The following CEP135 variants were observed in gnomAD, a reference collection of about 807,000 sequenced individuals.
The protein encoded by CEP135 is centrosomal protein 135.
CEP135 carries 142 observed loss-of-function variants against 157.3 expected under a neutral mutation model. The observed-to-expected ratio is 0.90, with a 90% CI of 0.79 to 1.04. The LOEUF (loss-of-function observed/expected upper bound fraction) is 1.04, where lower values mean the gene tolerates loss of function less well. Ranked by LOEUF, CEP135 falls within the 50% of genes least tolerant of loss-of-function variation. The probability of loss-of-function intolerance (pLI) is 0.00; values close to 1 mark genes in which losing one functional copy is unlikely to be tolerated. For missense variants in CEP135, 1,317 were observed against 1,309.2 expected, an observed-to-expected ratio of 1.01 and a Z score of -0.09; for synonymous variants, 396 against 439.8, an observed-to-expected ratio of 0.90 and a Z score of 1.25.
At chr4:55,998,235 A>T (rs1301339728) in intron 15 of CEP135, among the ~76,000 whole-genome samples, 1 of 152,184 alleles carries the variant, frequency 6.6e-6, no homozygotes, top group Non-Finnish European at 1.5e-5. Flanking sequence ...GAAATTCCTA[A>T]TAAATACTCT....
intron 15 of CEP135, among the ~76,000 whole-genome samples, chr4:55,996,270 A>C (rs1394096998): frequency 2.0e-5 from 3 of 152,194 alleles, no homozygotes; most frequent in African/African-American, 7.2e-5. Context: ...ATAGGCATGC[A>C]CCACTACACT....
At position 56,032,919 on chromosome 4, in the gene CEP135, T is replaced by C. The variant is rs1324989398; in HGVS notation, c.*1571T>C. 6.6e-6 allele frequency: 1 copy of C among 151,942 alleles called. No individual in the cohort carries two copies. Among genetic ancestry groups the C allele is most frequent in the Non-Finnish European group, 1.5e-5 (1 of 67,994 alleles). 9.4% of individuals were successfully genotyped at this position (151,942 alleles called of 1,614,324 possible). A position where few individuals can be genotyped will look rare whatever the true frequency, so the allele number is the denominator to read the frequency against. On this transcript the variant is annotated 3_prime_UTR_variant, in exon 26 of 26. Transcript: ENST00000257287. ...CTTTTTCTAAAACTAATATGGCTTATATATCTGAATTATGCCCTTTTTAGT... is the reference window on the plus strand; with the variant it reads ...CTTTTTCTAAAACTAATATGGCTTACATATCTGAATTATGCCCTTTTTAGT...
chr4:55,957,130 C>A, intron 4 of CEP135, 93 bp from the exon 5 acceptor site: 1 of 1,324,270 alleles, frequency 7.6e-7, no homozygotes. Context: ...GAACTGCAGA[C>A]ACACTTTATA....
intron 15 of CEP135, among the ~76,000 whole-genome samples, 154 bp from the exon 16 acceptor site, chr4:55,999,148 T>C (rs914793538): frequency 6.6e-6 from 1 of 152,330 alleles, no homozygotes; most frequent in Non-Finnish European, 1.5e-5. Flanking sequence ...AATAATAATA[T>C]ATAATGCCAT....
chr4:56,015,736 A>G (rs1380337825), intron 21 of CEP135, among the ~76,000 whole-genome samples: 1 of 152,116 alleles, frequency 6.6e-6, no homozygotes, highest in Non-Finnish European at 1.5e-5. Flanking sequence ...AGGTCTGTAG[A>G]TGGAGGAGAA....
intron 17 of CEP135, among the ~76,000 whole-genome samples, chr4:56,002,785 A>G (rs1421881788): frequency 6.6e-6 from 1 of 152,140 alleles, no homozygotes; most frequent in African/African-American, 2.4e-5. Context: ...ATTTCCTTGA[A>G]GAGTTTGAGC....
intron 6 of CEP135, among the ~76,000 whole-genome samples, chr4:55,963,859 A>C (rs1163888458): frequency 1.3e-5 from 2 of 152,258 alleles, no homozygotes; most frequent in Admixed American, 1.3e-4. Flanking sequence ...ATTGAGGTTC[A>C]GTAGCAACTT....
chr4:55,967,869 A>G (rs1179323342), intron 8 of CEP135, among the ~76,000 whole-genome samples: 4 of 152,350 alleles, frequency 2.6e-5, no homozygotes, highest in African/African-American at 7.2e-5. Context: ...ATGAAGAACA[A>G]GGAAGGATTC....
chr4:55,999,727 C>G (rs1730098359), intron 17 of CEP135, 82 bp downstream of exon 17: 1 of 1,401,476 alleles, frequency 7.1e-7, no homozygotes, highest in South Asian at 1.4e-5. Context: ...GGGTCTCACT[C>G]TGTCACTCAG....
intron 6 of CEP135, among the ~76,000 whole-genome samples, chr4:55,961,760 TG>T (rs1728686055): frequency 1.2e-5 from 1 of 82,320 alleles, no homozygotes; most frequent in Non-Finnish European, 2.2e-5. Context: ...GCGAAAACTC[TG>T]TCTAAAAAAA....
chr4:56,030,674 T>G (rs1731309687), intron 25 of CEP135, among the ~76,000 whole-genome samples: 1 of 152,134 alleles, frequency 6.6e-6, no homozygotes, highest in African/African-American at 2.4e-5. Flanking sequence ...AGACTGGTCC[T>G]GAACTCCTGG....
intron 3 of CEP135, 28 bp downstream of exon 3, chr4:55,953,303 A>G (rs1393740144): frequency 7.0e-7 from 1 of 1,420,040 alleles, no homozygotes; most frequent in Non-Finnish European, 9.4e-7. Context: ...AATTTTTAAA[A>G]TGCAATGTCT....
intron 24 of CEP135, among the ~76,000 whole-genome samples, chr4:56,023,668 T>A (rs1184079550): frequency 6.5e-5 from 9 of 139,290 alleles, no homozygotes; most frequent in African/African-American, 2.3e-4. Flanking sequence ...TATAATATAC[T>A]AATATAATAT....
chr4:56,011,813 A>G lies in CEP135; in HGVS notation c.2630A>G (p.Gln877Arg). The change falls in exon 21 of 26, where the codon CAA becomes CGA. Residue 877 changes from glutamine (Q) to arginine (R), a missense_variant. Coordinates refer to ENST00000257287, the MANE Select transcript of CEP135 (RefSeq NM_025009.5). ...SLMAAKEKEN[Q>R]DLLDRFQMLH... Reference sequence around the variant, plus strand: ...TGATTAAACCAGGAAAAAGAAAATCAAGATTTGTTAGATAGATTTCAGATG... The same window carrying G: ...TGATTAAACCAGGAAAAAGAAAATCGAGATTTGTTAGATAGATTTCAGATG... The G allele has an allele frequency of 6.4e-7, 1 of 1,569,254 alleles. No homozygotes were observed. Among genetic ancestry groups the G allele is most frequent in the South Asian group, 1.2e-5 (1 of 83,886 alleles).
At chr4:56,003,410 A>G (rs1322131545) in intron 17 of CEP135, among the ~76,000 whole-genome samples, 3 of 151,868 alleles carry the variant, frequency 2.0e-5, no homozygotes, top group Non-Finnish European at 2.9e-5. Flanking sequence ...GGGTTTCACC[A>G]TGTTAGCCAG....
chr4:55,961,080 TG>T (rs1462975581), intron 6 of CEP135, among the ~76,000 whole-genome samples: 11 of 137,808 alleles, frequency 8.0e-5, no homozygotes, highest in African/African-American at 3.0e-4. Flanking sequence ...CACTCCAGCC[TG>T]GGTGACAGAG....
chr4:55,980,245 G>A lies in CEP135; in HGVS notation c.1576G>A (p.Val526Ile). 3 of 1,569,290 alleles carry A rather than the reference G, an allele frequency of 1.9e-6. No homozygotes were observed. The highest frequency in any genetic ancestry group is 1.8e-6 in the Non-Finnish European group (2 of 1,141,156). ...ATATATGGAAGATATACAGTCCAAT[G>A]TTAAATTATTGACAGCAGAAAGAGA... ...EKYMEDIQSN[V>I]KLLTAERDKL... The change falls in exon 12 of 26, where the codon GTT becomes ATT. Residue 526 changes from valine (V) to isoleucine (I), a missense_variant. Transcript: ENST00000257287.
chr4:56,026,763 A>G (rs1218894223), intron 25 of CEP135, among the ~76,000 whole-genome samples: 2 of 152,216 alleles, frequency 1.3e-5, no homozygotes, highest in Non-Finnish European at 2.9e-5. Flanking sequence ...AGGAAGGATC[A>G]AAGGGATGTG....
chr4:55,974,292 T>C (rs1379963310), intron 10 of CEP135, among the ~76,000 whole-genome samples: 2 of 152,218 alleles, frequency 1.3e-5, no homozygotes, highest in African/African-American at 4.8e-5. Context: ...GAAGAGGCAA[T>C]TTCTATGGTA....
Sources: allele counts gnomAD v4.1 joint callset (sites outside exome capture counted in the v4.1 genomes callset), GRCh38; gene constraint gnomAD v4.1.1; transcripts MANE v1.5; gene names NCBI Gene and HGNC (gene_info 2026-07-23, HGNC 2026-07-21).